Variants in CNTN4 observed in about 807,000 individuals in gnomAD.
CNTN4 encodes the protein contactin 4.
Under a neutral mutation model 122.5 loss-of-function variants are expected in CNTN4, and 77 were observed. The observed-to-expected ratio is 0.63, with a 90% CI of 0.52 to 0.76. The LOEUF is 0.76. Ranked by LOEUF, CNTN4 falls within the 30% of genes least tolerant of loss-of-function variation. The probability of loss-of-function intolerance (pLI) is 0.00; values close to 1 mark genes in which losing one functional copy is unlikely to be tolerated. For synonymous variants in CNTN4, 512 were observed against 447.0 expected (o/e 1.15, Z -1.83); for missense variants, 1,256 against 1,259.1 (o/e 1.00, Z 0.04).
intron 3 of CNTN4, among the ~76,000 whole-genome samples, chr3:2,565,461 T>C (rs1243752374): frequency 3.9e-5 from 6 of 152,172 alleles, no homozygotes; most frequent in East Asian, 3.8e-4. Flanking sequence ...ACTGATGTGA[T>C]AGGAATTTTC....
intron 3 of CNTN4, among the ~76,000 whole-genome samples, chr3:2,343,201 C>T (rs2044272231): frequency 6.6e-6 from 1 of 152,054 alleles, no homozygotes; most frequent in Non-Finnish European, 1.5e-5. Context: ...CACTGACTTC[C>T]TACAACTGAA....
At chr3:2,996,403 C>G (rs1338931679) in intron 14 of CNTN4, among the ~76,000 whole-genome samples, 1 of 152,124 alleles carries the variant, frequency 6.6e-6, no homozygotes, top group Non-Finnish European at 1.5e-5. Flanking sequence ...AGTTCTCTCT[C>G]AGATATTGTA....
chr3:2,846,592 T>G (rs778164209), intron 7 of CNTN4, among the ~76,000 whole-genome samples: 2 of 152,218 alleles, frequency 1.3e-5, no homozygotes, highest in African/African-American at 2.4e-5. Context: ...TGCCTCTTTA[T>G]GTTGGACTAA....
intron 4 of CNTN4, among the ~76,000 whole-genome samples, chr3:2,669,724 G>A (rs1342738465): frequency 2.0e-5 from 3 of 152,092 alleles, no homozygotes; most frequent in Admixed American, 6.5e-5. Flanking sequence ...TCTCTTGTGG[G>A]CATTTAGTGC....
intron 3 of CNTN4, among the ~76,000 whole-genome samples, chr3:2,451,697 C>G (rs1290379978): frequency 2.0e-5 from 3 of 151,932 alleles, no homozygotes; most frequent in Non-Finnish European, 4.4e-5. Flanking sequence ...GTGTATATTT[C>G]TTGAGTTTTT....
chr3:2,212,873 T>C (rs1456892404), intron 2 of CNTN4, among the ~76,000 whole-genome samples: 1 of 152,196 alleles, frequency 6.6e-6, no homozygotes, highest in Non-Finnish European at 1.5e-5. Flanking sequence ...ATAGCTTGGG[T>C]TGAGATTTTT....
intron 3 of CNTN4, among the ~76,000 whole-genome samples, chr3:2,431,846 G>A (rs1038286502): frequency 2.0e-5 from 3 of 152,164 alleles, no homozygotes; most frequent in Non-Finnish European, 2.9e-5. Context: ...CTGAATCAAG[G>A]TTAACTATAC....
chr3:2,885,849 G>T (rs1479663477), intron 9 of CNTN4, among the ~76,000 whole-genome samples: 1 of 152,082 alleles, frequency 6.6e-6, no homozygotes, highest in African/African-American at 2.4e-5. Flanking sequence ...ACACATTTCT[G>T]GTATTTTGTT....
At chr3:2,722,815 G>A (rs2087945193) in intron 4 of CNTN4, among the ~76,000 whole-genome samples, 1 of 152,126 alleles carries the variant, frequency 6.6e-6, no homozygotes, top group East Asian at 1.9e-4. Flanking sequence ...ATTTTGAAAG[G>A]TTATAAATCC....
At chr3:2,170,181 C>A (rs539418167) in intron 2 of CNTN4, among the ~76,000 whole-genome samples, 58 of 138,144 alleles carry the variant, frequency 4.2e-4, no homozygotes, top group African/African-American at 1.7e-3. Flanking sequence ...ATTAGCCGGG[C>A]GTGGTGGCGG....
In CNTN4 at chr3:2,105,512, G is replaced by T. The variant is rs2727935; in HGVS notation, c.-145+4873G>T. On this transcript the variant is annotated intron_variant, in intron 2 of 24. Transcript: ENST00000418658. The stretch of plus-strand genomic sequence containing the variant: ...AGAGAAGCAAAGGCAGGTCTTACAT[G>T]GCGGCAGGCAAGAGACAGTGAAGGA... Among the ~76,000 whole-genome samples, 179 of 152,266 alleles carry T rather than the reference G, an allele frequency of 1.2e-3. 1 individual carries two copies. Among genetic ancestry groups the T allele is most frequent in the African/African-American group, 3.9e-3 (164 of 41,542 alleles).
chr3:2,757,528 C>T (rs1252796738), intron 6 of CNTN4, among the ~76,000 whole-genome samples: 16 of 152,092 alleles, frequency 1.1e-4, no homozygotes, highest in South Asian at 2.1e-4. Flanking sequence ...GTCTCTCAAG[C>T]GATGTTATCG....
rs1025321690 is a variant in CNTN4, at chr3:2,292,465, A to T, written c.-144-46713A>T. Among the ~76,000 whole-genome samples, 43 of 152,224 alleles carry T rather than the reference A, an allele frequency of 2.8e-4. 1 individual carries two copies. The highest frequency in any genetic ancestry group is 1.0e-3 in the African/African-American group (42 of 41,454). Reference sequence around the variant, plus strand: ...TATTTGTATGCAATAAAATGCTCATATCTGAAGTGTACAATGTGTTAACTT... The same window carrying T: ...TATTTGTATGCAATAAAATGCTCATTTCTGAAGTGTACAATGTGTTAACTT... On this transcript the variant is annotated intron_variant, in intron 2 of 24. Transcript: ENST00000418658.
At chr3:2,726,024 A>T (rs1264518099) in intron 4 of CNTN4, among the ~76,000 whole-genome samples, 1 of 152,200 alleles carries the variant, frequency 6.6e-6, no homozygotes, top group African/African-American at 2.4e-5. Flanking sequence ...TCTTAGGGAT[A>T]AAGCTTGCTT....
chr3:2,248,116 A>G (rs1350094138), intron 2 of CNTN4, among the ~76,000 whole-genome samples: 1 of 151,960 alleles, frequency 6.6e-6, no homozygotes, highest in Non-Finnish European at 1.5e-5. Flanking sequence ...GCAATAAAGT[A>G]AGAACCTATA....
At chr3:2,635,043 T>C (rs929682142) in intron 4 of CNTN4, among the ~76,000 whole-genome samples, 5 of 152,142 alleles carry the variant, frequency 3.3e-5, no homozygotes, top group Admixed American at 1.3e-4. Context: ...AAGACAGATA[T>C]CTCGGAACCA....
At chr3:2,554,836 C>G (rs79864813) in intron 3 of CNTN4, among the ~76,000 whole-genome samples, 4,600 of 152,256 alleles carry the variant, frequency 0.03, 101 homozygotes, top group African/African-American at 0.062. Context: ...CGTTGCTAAA[C>G]ATGACAGGGG....
intron 3 of CNTN4, among the ~76,000 whole-genome samples, chr3:2,387,541 T>C (rs72996008): frequency 0.16 from 25,061 of 152,128 alleles, 2,541 homozygotes; most frequent in Middle Eastern, 0.26. Flanking sequence ...AATTTGTTTA[T>C]ATTACTATTT....
intron 2 of CNTN4, among the ~76,000 whole-genome samples, chr3:2,322,050 A>C (rs2043292928): frequency 2.0e-5 from 3 of 152,208 alleles, no homozygotes; most frequent in Non-Finnish European, 4.4e-5. Flanking sequence ...CCTCAGGAGC[A>C]GTGTTCATAC....
Sources: gnomAD v4.1 joint callset for allele counts (sites outside exome capture counted in the v4.1 genomes callset) on GRCh38, gnomAD v4.1.1 for gene constraint, MANE v1.5 for transcripts, NCBI Gene and HGNC (gene_info 2026-07-23, HGNC 2026-07-21) for gene names.